The following UGT1A10 variants were observed in gnomAD, a reference collection of about 807,000 sequenced individuals.
UGT1A10 encodes the protein UDP glucuronosyltransferase family 1 member A10.
Under a neutral mutation model 45.8 loss-of-function variants are expected in UGT1A10, and 49 were observed. The ratio of observed to expected loss-of-function variants is 1.07; its 90% confidence interval spans 0.85 to 1.36. The LOEUF (loss-of-function observed/expected upper bound fraction) is 1.36. Ranked by LOEUF, UGT1A10 falls within the 40% of genes most tolerant of loss-of-function variation. The pLI is 0.00. For synonymous variants in UGT1A10, 284 were observed against 249.7 expected, an observed-to-expected ratio of 1.14 and a Z score of -1.29; for missense variants, 745 against 668.6, an observed-to-expected ratio of 1.11 and a Z score of -1.26.
chr2:233,754,764 C>T (rs570859528), intron 1 of UGT1A10: 2 of 981,308 alleles, frequency 2.0e-6, no homozygotes, highest in East Asian at 6.0e-5. Flanking sequence ...AAGGCCCCCA[C>T]TTCCCAGGGA....
intron 2 of UGT1A10, 103 bp from the exon 3 acceptor site, chr2:233,767,746 A>G (rs1269401537): frequency 1.3e-6 from 2 of 1,589,042 alleles, no homozygotes; most frequent in Non-Finnish European, 1.7e-6. Flanking sequence ...TCTGTTAAAG[A>G]CTGTTCCTTC....
intron 1 of UGT1A10, chr2:233,747,259 G>C (rs1240117777): frequency 7.1e-5 from 114 of 1,600,384 alleles, no homozygotes; most frequent in Non-Finnish European, 9.2e-5. Flanking sequence ...GGCCACAGGA[G>C]TGCTACTCCT....
intron 1 of UGT1A10, among the ~76,000 whole-genome samples, chr2:233,724,318 C>T (rs1409125726): frequency 1.2e-4 from 17 of 142,986 alleles, no homozygotes; most frequent in African/African-American, 3.4e-4. Context: ...CCGGACGGGG[C>T]GGCTGGCCAG....
chr2:233,712,271 C>T (rs3893334), intron 1 of UGT1A10, among the ~76,000 whole-genome samples: 15,485 of 152,260 alleles, frequency 0.1, 907 homozygotes, highest in East Asian at 0.2. Flanking sequence ...GTGCTTTAGA[C>T]AGCAGCACCT....
chr2:233,693,546 C>T, intron 1 of UGT1A10: 1 of 1,614,192 alleles, frequency 6.2e-7, no homozygotes, highest in Non-Finnish European at 8.5e-7. Context: ...CTGGAGCATA[C>T]ATTCAGCAGA....
At chr2:233,713,889 T>A (rs769338020) in intron 1 of UGT1A10, 2 of 1,613,388 alleles carry the variant, frequency 1.2e-6, no homozygotes, top group South Asian at 2.2e-5. Context: ...CCAATCAATG[T>A]TCCAGGCAAA....
intron 1 of UGT1A10, among the ~76,000 whole-genome samples, chr2:233,651,280 T>C (rs915360388): frequency 2.6e-5 from 4 of 152,190 alleles, no homozygotes; most frequent in African/African-American, 7.2e-5. Context: ...ACTGAGTTCC[T>C]TGTGGCTCAC....
chr2:233,736,477 G>T (rs565407070), intron 1 of UGT1A10, among the ~76,000 whole-genome samples: 1 of 152,272 alleles, frequency 6.6e-6, no homozygotes, highest in East Asian at 1.9e-4. Context: ...GCTTGGAGAG[G>T]TTTGTTACTA....
intron 1 of UGT1A10, among the ~76,000 whole-genome samples, chr2:233,745,989 G>A (rs1477607074): frequency 1.3e-5 from 2 of 151,676 alleles, no homozygotes; most frequent in Admixed American, 1.3e-4. Context: ...ATGACAGCTG[G>A]GTCTGAGAGA....
intron 1 of UGT1A10, among the ~76,000 whole-genome samples, chr2:233,721,151 A>C (rs2076923692): frequency 6.6e-6 from 1 of 152,178 alleles, no homozygotes. Context: ...TGCAAAGGAC[A>C]CTAAACTTTA....
chr2:233,743,991 G>C (rs368834284), intron 1 of UGT1A10: 29 of 1,251,932 alleles, frequency 2.3e-5, no homozygotes, highest in African/African-American at 7.8e-5. Context: ...GCGCAGGCCC[G>C]AGTGCTCGGA....
At chr2:233,754,798 C>G (rs781516183) in intron 1 of UGT1A10, 1 of 1,247,746 alleles carries the variant, frequency 8.0e-7, no homozygotes, top group East Asian at 5.0e-5. Context: ...AATCCTGTAT[C>G]AAAAGAAGAA....
At chr2:233,713,500 T>C (rs747145131) in intron 1 of UGT1A10, 1 of 1,614,018 alleles carries the variant, frequency 6.2e-7, no homozygotes, top group East Asian at 2.2e-5. Flanking sequence ...ATTCCTGCTG[T>C]GTTTTTCTTG....
At chr2:233,669,280 T>G (rs2074135198) in intron 1 of UGT1A10, among the ~76,000 whole-genome samples, 1 of 152,202 alleles carries the variant, frequency 6.6e-6, no homozygotes, top group African/African-American at 2.4e-5. Context: ...TTTTAAAAGT[T>G]ATTTTTGCTA....
intron 1 of UGT1A10, chr2:233,682,356 G>A: frequency 6.2e-7 from 1 of 1,614,100 alleles, no homozygotes; most frequent in Non-Finnish European, 8.5e-7. Context: ...TTAAAGGAGA[G>A]TTGTTTTGAT....
At chr2:233,764,440 T>C (rs763083993) in intron 1 of UGT1A10, among the ~76,000 whole-genome samples, 3 of 152,220 alleles carry the variant, frequency 2.0e-5, no homozygotes, top group Non-Finnish European at 2.9e-5. Context: ...TGAACTTTTG[T>C]GCCATTTAAA....
chr2:233,733,103 T>G lies in UGT1A10; in HGVS notation c.856-33931T>G, dbSNP rs137950812. ...AATGGGAGTTCACTCATGGTTTGGC[T>G]CTGTTTGTCTGTTATTGGTGTATAG... On this transcript the variant is annotated intron_variant, in intron 1 of 4. Coordinates refer to ENST00000344644, the MANE Select transcript of UGT1A10 (RefSeq NM_019075.4). Among the ~76,000 whole-genome samples the G allele has an allele frequency of 9.9e-3, 1,505 of 152,334 alleles. 21 individuals are homozygous for G. Among genetic ancestry groups the G allele is most frequent in the African/African-American group, 0.035 (1,436 of 41,572 alleles).
chr2:233,677,059 A>G (rs909636758), intron 1 of UGT1A10, among the ~76,000 whole-genome samples: 3 of 152,116 alleles, frequency 2.0e-5, no homozygotes, highest in African/African-American at 7.2e-5. Flanking sequence ...GCATTTTAAA[A>G]TAAGTTCATT....
chr2:233,746,870 G>C (rs544593514), intron 1 of UGT1A10, among the ~76,000 whole-genome samples: 1 of 151,786 alleles, frequency 6.6e-6, no homozygotes, highest in Admixed American at 6.5e-5. Context: ...CCTGATAAAC[G>C]TGGTTAACAG....
Sources: allele counts gnomAD v4.1 joint callset (sites outside exome capture counted in the v4.1 genomes callset), GRCh38; gene constraint gnomAD v4.1.1; transcripts MANE v1.5; gene names NCBI Gene and HGNC (gene_info 2026-07-23, HGNC 2026-07-21).